Variants in RNF139 observed in about 807,000 individuals in gnomAD.
RNF139 encodes ring finger protein 139, also known as E3 ubiquitin-protein ligase RNF139.
In RNF139, 15 loss-of-function variants were observed where a neutral mutation model predicts 49.5. The observed-to-expected ratio is 0.30, with a 90% CI of 0.20 to 0.47. The LOEUF is 0.47. Among genes scored for constraint, RNF139 ranks in the 20% least tolerant of loss-of-function variants. RNF139 has a pLI of 1.00. For missense variants in RNF139, 619 were observed against 806.3 expected (o/e 0.77, Z 2.81); for synonymous variants, 325 against 300.9 (o/e 1.08, Z -0.83).
At chr8:124,482,058 C>A (rs1816422107) in intron 1 of RNF139, among the ~76,000 whole-genome samples, 1 of 152,068 alleles carries the variant, frequency 6.6e-6, no homozygotes, top group Non-Finnish European at 1.5e-5. Context: ...TGTTAACTCA[C>A]TATTACATCT....
chr8:124,478,937 C>A (rs566099421), intron 1 of RNF139, among the ~76,000 whole-genome samples: 1 of 152,060 alleles, frequency 6.6e-6, no homozygotes, highest in African/African-American at 2.4e-5. Flanking sequence ...GTTGGTCAGG[C>A]TGTTCTCCAA....
At chr8:124,477,557 C>G (rs1303805739) in intron 1 of RNF139, among the ~76,000 whole-genome samples, 1 of 152,118 alleles carries the variant, frequency 6.6e-6, no homozygotes, top group South Asian at 2.1e-4. Context: ...GTATTTACTC[C>G]CCTCTACCTA....
At position 124,475,019 on chromosome 8, in the gene RNF139, G is replaced by GCCCGCCTTAGCC. The variant is rs1238205268; in HGVS notation, c.-84_-73dup. On this transcript the variant is annotated 5_prime_UTR_variant, in exon 1 of 2. Transcript: ENST00000303545. The stretch of plus-strand genomic sequence containing the variant: ...GAGGAAGGAGGGCAGGGGCGGAGTT[G>GCCCGCCTTAGCC]CCCGCCTTAGCCCCCGCCCCCGGCC... 967 of 816,390 alleles carry GCCCGCCTTAGCC rather than the reference G, an allele frequency of 1.2e-3. No individual in the cohort carries two copies. Among genetic ancestry groups the GCCCGCCTTAGCC allele is most frequent in the Admixed American group, 2.3e-3 (50 of 21,828 alleles). 50.6% of individuals were successfully genotyped at this position (816,390 alleles called of 1,614,324 possible). A position where few individuals can be genotyped will look rare whatever the true frequency, so the allele number is the denominator to read the frequency against.
chr8:124,482,816 C>G (rs1586523736), intron 1 of RNF139, among the ~76,000 whole-genome samples: 1 of 149,004 alleles, frequency 6.7e-6, no homozygotes, highest in East Asian at 2.0e-4. Flanking sequence ...ATCCCAGCTT[C>G]TTGGGAGGCT....
chr8:124,477,496 A>G (rs1816333294), intron 1 of RNF139, among the ~76,000 whole-genome samples: 1 of 152,214 alleles, frequency 6.6e-6, no homozygotes, highest in Admixed American at 6.5e-5. Context: ...ATGTGTAAAA[A>G]TGGAAATCTC....
At chr8:124,475,848 G>T (rs1360996070) in intron 1 of RNF139, among the ~76,000 whole-genome samples, 1 of 152,210 alleles carries the variant, frequency 6.6e-6, no homozygotes, top group African/African-American at 2.4e-5. Context: ...TCATGAAAGC[G>T]GCGATGCTTA....
Position 124,486,400 on chromosome 8 carries a change from A to G in RNF139, c.751A>G (p.Thr251Ala), listed in dbSNP as rs752247458. The G allele has an allele frequency of 3.1e-6, 5 of 1,614,196 alleles. No individual in the cohort carries two copies. The highest frequency in any genetic ancestry group is 1.1e-5 in the South Asian group (1 of 91,090). Reference sequence around the variant, plus strand: ...GCTAACAAGAGTTACAGCTCAGGCTACAGTGTTAATGTACATCTTAAGGAT... The same window carrying G: ...GCTAACAAGAGTTACAGCTCAGGCTGCAGTGTTAATGTACATCTTAAGGAT... ...FWLTRVTAQA[T>A]VLMYILRMAN... The change falls in exon 2 of 2, where the codon ACA becomes GCA. Residue 251 changes from threonine to alanine, a missense_variant. Thr to Ala is a moderately conservative substitution (Grantham distance 58, BLOSUM62 0). Coordinates refer to ENST00000303545, the MANE Select transcript of RNF139 (RefSeq NM_007218.4).
At chr8:124,478,977 G>A (rs1446319744) in intron 1 of RNF139, among the ~76,000 whole-genome samples, 2 of 152,052 alleles carry the variant, frequency 1.3e-5, no homozygotes, top group East Asian at 1.9e-4. Context: ...TGCCCACATC[G>A]TCCTCCCAGA....
At chr8:124,478,598 ACTG>A (rs1816349787) in intron 1 of RNF139, among the ~76,000 whole-genome samples, 1 of 143,946 alleles carries the variant, frequency 6.9e-6, no homozygotes, top group African/African-American at 2.5e-5. Context: ...ATAGAGCGAG[ACTG>A]TCTCAAAAAA....
intron 1 of RNF139, among the ~76,000 whole-genome samples, chr8:124,476,105 A>G (rs1327672079): frequency 6.6e-6 from 1 of 152,218 alleles, no homozygotes; most frequent in Non-Finnish European, 1.5e-5. Flanking sequence ...TTGATGAGGT[A>G]ATTCTGGTGA....
intron 1 of RNF139, among the ~76,000 whole-genome samples, chr8:124,482,749 A>G (rs968365482): frequency 1.3e-5 from 2 of 150,926 alleles, no homozygotes; most frequent in Non-Finnish European, 2.9e-5. Context: ...CAACGTGGAA[A>G]AACCCTGTCT....
rs1816286684 is a variant in RNF139 at position 124,475,083 on chromosome 8, C to T, written c.-27C>T. The T allele has an allele frequency of 6.7e-6, 10 of 1,490,936 alleles. No individual in the cohort carries two copies. Among genetic ancestry groups the T allele is most frequent in the Non-Finnish European group, 8.9e-6 (10 of 1,124,264 alleles). The allele number at this position is 1,490,936 out of a possible 1,614,324, so 92.4% of individuals were successfully genotyped here. A position where few individuals can be genotyped will look rare whatever the true frequency, so the allele number is the denominator to read the frequency against. On this transcript the variant is annotated 5_prime_UTR_variant, in exon 1 of 2. Transcript: ENST00000303545. ...CTGCCCCGCGCGGCCCTGCCCGGCC[C>T]ACCGAGCCCTGGTGTGGCAGCGGCT...
At position 124,479,434 on chromosome 8, in the gene RNF139, G is replaced by A. The variant is rs140298779; in HGVS notation, c.181+4144G>A. On this transcript the variant is annotated intron_variant, in intron 1 of 1. Transcript: ENST00000303545. ...GAAAGAAATGAGATAGCTATTTTTG[G>A]TGCCGAAAAAGACTTCAGAAAACCT... 4.3e-3 allele frequency among the ~76,000 whole-genome samples: 661 copies of A among 152,218 alleles called. 5 individuals carry two copies. Among genetic ancestry groups the A allele is most frequent in the African/African-American group, 0.015 (641 of 41,530 alleles).
intron 1 of RNF139, among the ~76,000 whole-genome samples, chr8:124,478,743 G>A (rs1340165421): frequency 6.8e-6 from 1 of 147,226 alleles, no homozygotes; most frequent in African/African-American, 2.5e-5. Context: ...TTTTTGAGAC[G>A]GAGTTTGCTC....
rs758513834 is a variant in RNF139, at chr8:124,475,258, G to A, written c.149G>A (p.Cys50Tyr). The A allele has an allele frequency of 5.6e-6, 9 of 1,613,290 alleles. No individual in the cohort carries two copies. The highest frequency in any genetic ancestry group is 5.3e-5 in the African/African-American group (4 of 74,866). The change falls in exon 1 of 2, where the codon TGC becomes TAC. Residue 50 changes from cysteine (C) to tyrosine (Y), a missense_variant. By Grantham distance (194) the Cys-to-Tyr change is radical. Coordinates refer to ENST00000303545, the MANE Select transcript of RNF139 (RefSeq NM_007218.4). ...SYPDSSQSRF[C>Y]IVLQIFLRLF... ...CCGGATTCCAGCCAAAGCCGGTTCT[G>A]CATCGTGCTCCAGATCTTCCTCCGG...
chr8:124,488,482 C>A lies in RNF139; in HGVS notation c.*838C>A, dbSNP rs142596409. On this transcript the variant is annotated 3_prime_UTR_variant, in exon 2 of 2. Transcript: ENST00000303545. ...GGGAATGGTGGGGAATGGTGTGTAC[C>A]GATATATAGTATTTCTTTAGACAAC... is the stretch of plus-strand genomic sequence containing the variant. The A allele has an allele frequency of 1.0e-3, 621 of 600,602 alleles. 5 individuals are homozygous for A. Among genetic ancestry groups the A allele is most frequent in the African/African-American group, 9.4e-3 (494 of 52,568 alleles). The allele number at this position is 600,602 out of a possible 1,614,324, so 37.2% of individuals were successfully genotyped here. A position where few individuals can be genotyped will look rare whatever the true frequency, so the allele number is the denominator to read the frequency against.
chr8:124,483,012 T>TATATATATATTTAA (rs1563631185), intron 1 of RNF139, among the ~76,000 whole-genome samples: 2 of 59,740 alleles, frequency 3.3e-5, no homozygotes, highest in Non-Finnish European at 5.7e-5. Context: ...ATATTAAAAA[T>TATATATATATTTAA]ATATATATAT....
At chr8:124,478,906 G>C (rs1816357094) in intron 1 of RNF139, among the ~76,000 whole-genome samples, 1 of 151,336 alleles carries the variant, frequency 6.6e-6, no homozygotes, top group Admixed American at 6.6e-5. Context: ...TCTATTTTTA[G>C]TAGAGACAGG....
At chr8:124,479,313 G>C (rs767187028) in intron 1 of RNF139, among the ~76,000 whole-genome samples, 1 of 152,190 alleles carries the variant, frequency 6.6e-6, no homozygotes, top group African/African-American at 2.4e-5. Flanking sequence ...CTATGGGCAA[G>C]CATTACTGGA....
Sources: allele counts gnomAD v4.1 joint callset (sites outside exome capture counted in the v4.1 genomes callset), GRCh38; gene constraint gnomAD v4.1.1; transcripts MANE v1.5; gene names NCBI Gene and HGNC (gene_info 2026-07-23, HGNC 2026-07-21).